The following DDX23 variants were observed in gnomAD, a reference collection of about 807,000 sequenced individuals.
DDX23 encodes probable ATP-dependent RNA helicase DDX23.
In DDX23, 33 loss-of-function variants were observed where a neutral mutation model predicts 102.7. That is an observed-to-expected ratio of 0.32 (90% CI 0.24 to 0.43). The LOEUF is 0.43. Ranked by LOEUF, DDX23 falls within the 20% of genes least tolerant of loss-of-function variation. The probability of loss-of-function intolerance (pLI) is 1.00; values close to 1 mark genes in which losing one functional copy is unlikely to be tolerated. For synonymous variants in DDX23, 352 were observed against 376.0 expected (o/e 0.94, Z 0.74); for missense variants, 549 against 1,086.6 (o/e 0.51, Z 6.96).
At chr12:48,847,512 CAA>C (rs992632357) in intron 1 of DDX23, among the ~76,000 whole-genome samples, 14 of 110,046 alleles carry the variant, frequency 1.3e-4, no homozygotes, top group Non-Finnish European at 1.1e-4. Context: ...TGATCCGTTT[CAA>C]AAAAAAAAAA....
At position 48,830,791 on chromosome 12, in the gene DDX23, C is replaced by A; in HGVS notation, c.2240-99G>T. The A allele has an allele frequency of 1.6e-6, 2 of 1,268,704 alleles. No individual in the cohort carries two copies. The highest frequency in any genetic ancestry group is 2.2e-6 in the Non-Finnish European group (2 of 918,026). 78.6% of individuals were successfully genotyped at this position (1,268,704 alleles called of 1,614,324 possible). A position where few individuals can be genotyped will look rare whatever the true frequency, so the allele number is the denominator to read the frequency against. ...AGAGGCATCCTTCCCACCCCATCTC[C>A]AAAGGCAGGAATACAGCACATGCTG... On this transcript the variant is annotated intron_variant, in intron 16 of 16. Coordinates refer to ENST00000308025, the MANE Select transcript of DDX23 (RefSeq NM_004818.3). The surrounding 1 kb of genome is among the most constrained non-coding windows in gnomAD (Gnocchi z 4.9).
rs1565674367 is a variant in DDX23, at chr12:48,829,966, A to G, written c.*503T>C. The G allele has an allele frequency of 5.6e-6, 2 of 356,426 alleles. No individual in the cohort carries two copies. The highest frequency in any genetic ancestry group is 2.1e-5 in the South Asian group (1 of 47,342). 22.1% of individuals were successfully genotyped at this position (356,426 alleles called of 1,614,324 possible). On this transcript the variant is annotated 3_prime_UTR_variant, in exon 17 of 17. Coordinates refer to ENST00000308025, the MANE Select transcript of DDX23 (RefSeq NM_004818.3). ...CTGTGCACAGGTCTAAAGACTCTCA[A>G]CTTCCTTTACCATCCAAACAGGAAA...
chr12:48,846,700 C>T (rs1264425562), intron 1 of DDX23, among the ~76,000 whole-genome samples: 1 of 152,150 alleles, frequency 6.6e-6, no homozygotes, highest in Non-Finnish European at 1.5e-5. Context: ...ATAATTATTT[C>T]AAAGATATAT....
chr12:48,842,056 C>A (rs1333888143), intron 3 of DDX23, among the ~76,000 whole-genome samples: 28 of 151,246 alleles, frequency 1.9e-4, no homozygotes, highest in African/African-American at 6.6e-4. Context: ...AAGTGAGGAG[C>A]CCCTCCGCCC....
At chr12:48,831,400 G>A in intron 15 of DDX23, 84 bp from the exon 16 acceptor site, 1 of 1,368,634 alleles carries the variant, frequency 7.3e-7, no homozygotes, top group Non-Finnish European at 1.0e-6. Context: ...CACAGATGAA[G>A]GGAGGGTTGG....
At chr12:48,848,334 C>T (rs1938702555) in intron 1 of DDX23, among the ~76,000 whole-genome samples, 1 of 151,984 alleles carries the variant, frequency 6.6e-6, no homozygotes, top group Non-Finnish European at 1.5e-5. Context: ...ACAAAGTCTC[C>T]TACTTCATAA....
In DDX23 at chr12:48,830,363, C is replaced by T; in HGVS notation, c.*106G>A. 1 of 1,326,222 alleles carries T rather than the reference C, an allele frequency of 7.5e-7. No individual in the cohort carries two copies. The highest frequency in any genetic ancestry group is 1.1e-6 in the Non-Finnish European group (1 of 935,560). The allele number at this position is 1,326,222 out of a possible 1,614,324, so 82.2% of individuals were successfully genotyped here. A position where few individuals can be genotyped will look rare whatever the true frequency, so the allele number is the denominator to read the frequency against. ...AGGGAGTTGGATTGTTTTCCTAAGC[C>T]CCCATATCCCAAGAGTGAGGACCTG... On this transcript the variant is annotated 3_prime_UTR_variant, in exon 17 of 17. Transcript: ENST00000308025. This position sits in a 1 kb window ranked among gnomAD's most constrained non-coding sequence, Gnocchi z 4.9.
intron 12 of DDX23, among the ~76,000 whole-genome samples, chr12:48,833,982 G>C (rs1402153326): frequency 3.3e-5 from 5 of 152,192 alleles, no homozygotes; most frequent in Admixed American, 6.5e-5. Context: ...TGGTCTGGCA[G>C]AGTAAAGAGT....
In DDX23 at chr12:48,836,165, G is replaced by A. The variant is rs1370650168; in HGVS notation, c.1338C>T (p.Leu446=). The A allele has an allele frequency of 6.2e-7, 1 of 1,613,476 alleles. No homozygotes were observed. The highest frequency in any genetic ancestry group is 8.5e-7 in the Non-Finnish European group (1 of 1,180,052). ...ETGSGKTAAF[L]IPLLVWITTL... ...TGGTGATCCAGACCAGCAGAGGGAT[G>A]AGGAAGGCTGCTGTCTTGCCACTGC... The change falls in exon 11 of 17, where the codon CTC becomes CTT. Residue 446 remains leucine (L), a synonymous_variant. Transcript: ENST00000308025. This position sits in a 1 kb window ranked among gnomAD's most constrained non-coding sequence, Gnocchi z 6.1.
intron 3 of DDX23, among the ~76,000 whole-genome samples, chr12:48,841,756 C>G (rs111933621): frequency 0.026 from 3,898 of 152,362 alleles, 164 homozygotes; most frequent in African/African-American, 0.088. Context: ...GTCGCGTTCA[C>G]TCAGTGCTCA....
chr12:48,832,513 G>A lies in DDX23; in HGVS notation c.1864C>T (p.Arg622Trp), dbSNP rs1376916698. ...CCAATGTACACCACAGCAGGTCGCC[G>A]AAGATAGCTCCTGGCCAGACGCTCC... ...AVERLARSYL[R>W]RPAVVYIGSA... Residue 622 changes from arginine to tryptophan, a missense_variant, in exon 14 of 17, where the codon CGG (arginine) becomes TGG (tryptophan). By Grantham distance (101) the Arg-to-Trp change is moderately radical (BLOSUM62 -3). Around this residue, in one of 4 missense-constraint regions of DDX23, gnomAD observed 270 missense variants for 707.0 expected, o/e 0.38. Transcript: ENST00000308025. The surrounding 1 kb of genome is among the most constrained non-coding windows in gnomAD (Gnocchi z 4.4). 1 of 1,614,154 alleles carries A rather than the reference G, an allele frequency of 6.2e-7. No homozygotes were observed. The highest frequency in any genetic ancestry group is 8.5e-7 in the Non-Finnish European group (1 of 1,180,038).
At chr12:48,846,874 C>T (rs1323899442) in intron 1 of DDX23, among the ~76,000 whole-genome samples, 2 of 152,180 alleles carry the variant, frequency 1.3e-5, no homozygotes, top group African/African-American at 4.8e-5. Flanking sequence ...CACTCCCACA[C>T]TGTCAACTCT....
Position 48,837,281 on chromosome 12 carries a change from AG to A in DDX23, c.865del (p.Leu289CysfsTer11). 1 of 1,613,358 alleles carries A rather than the reference AG, an allele frequency of 6.2e-7. No individual in the cohort carries two copies. The highest frequency in any genetic ancestry group is 8.5e-7 in the Non-Finnish European group (1 of 1,179,332). Reference protein sequence around the residue: ...SEDTSIDYNPLYKERHQVQLL... With the variant: ...SEDTSIDYNPXYKERHQVQLL... ...AGAACTCAGGCCTGAAGCCACTCAC[AG>A]GGGGTTGTAGTCAATGGATGTGTCC... On this transcript the variant is annotated frameshift_variant and splice_region_variant, in exon 8 of 17. Transcript: ENST00000308025. LOFTEE classifies it high-confidence loss of function.
At chr12:48,837,092 A>G (rs2137484792) in intron 8 of DDX23, 55 bp from the exon 9 acceptor site, 21 of 1,609,176 alleles carry the variant, frequency 1.3e-5, no homozygotes, top group Non-Finnish European at 1.6e-5. Flanking sequence ...GGCAGTAGGA[A>G]GGAAGGGCAG....
In DDX23 at chr12:48,834,365, G is replaced by A. The variant is rs774603503; in HGVS notation, c.1515C>T (p.Gly505=). Residue 505 remains glycine (G), a synonymous_variant, in exon 12 of 17, where the codon GGC becomes GGT. Coordinates refer to ENST00000308025, the MANE Select transcript of DDX23 (RefSeq NM_004818.3). ...TGAAGCCCTGGTCTTCTCTGGAGATGCCACCAATGACAGCCACAGTGCGGA... is the reference window on the plus strand; with the variant it reads ...TGAAGCCCTGGTCTTCTCTGGAGATACCACCAATGACAGCCACAGTGCGGA... ...LGIRTVAVIG[G]ISREDQGFRL... 9 of 1,614,010 alleles carry A rather than the reference G, an allele frequency of 5.6e-6. No homozygotes were observed. The Admixed American group carries it at 8.3e-5, about 15-fold the overall frequency.
intron 2 of DDX23, among the ~76,000 whole-genome samples, chr12:48,844,391 G>A (rs1250190854): frequency 6.6e-6 from 1 of 151,992 alleles, no homozygotes; most frequent in Non-Finnish European, 1.5e-5. Flanking sequence ...GAATTGTCAT[G>A]CCTCAGCCTC....
Position 48,841,677 on chromosome 12 carries a change from G to A in DDX23, c.321-1571C>T, listed in dbSNP as rs1444411627. 6.6e-5 allele frequency among the ~76,000 whole-genome samples: 10 copies of A among 152,358 alleles called. No individual in the cohort carries two copies. The South Asian group carries it at 1.7e-3, about 25-fold the overall frequency. On this transcript the variant is annotated intron_variant, in intron 3 of 16. Coordinates refer to ENST00000308025, the MANE Select transcript of DDX23 (RefSeq NM_004818.3). ...GGGGTTTCGCTGTGTTGGCCGGGCT[G>A]GTCTCCAGCTCCTGACCGCGAGTGA...
chr12:48,834,598 G>T, intron 11 of DDX23, 101 bp from the exon 12 acceptor site: 1 of 1,119,326 alleles, frequency 8.9e-7, no homozygotes, highest in Non-Finnish European at 1.3e-6. Context: ...CAATGGGAAT[G>T]GGGAGGATGA....
intron 5 of DDX23, among the ~76,000 whole-genome samples, chr12:48,839,066 G>T (rs1401767899): frequency 6.6e-6 from 1 of 151,908 alleles, no homozygotes; most frequent in African/African-American, 2.4e-5. Flanking sequence ...ATAGAGATGG[G>T]TTTTCACCAT....
Sources: allele counts gnomAD v4.1 joint callset (sites outside exome capture counted in the v4.1 genomes callset), GRCh38; gene constraint gnomAD v4.1.1; regional missense constraint gnomAD v4.1.1; non-coding constraint Gnocchi (gnomAD v3.1); transcripts MANE v1.5; gene names NCBI Gene and HGNC (gene_info 2026-07-23, HGNC 2026-07-21).